Variants in PDK1 observed in about 807,000 individuals in gnomAD.
PDK1 encodes the protein pyruvate dehydrogenase kinase 1.
PDK1 carries 39 observed loss-of-function variants against 54.2 expected under a neutral mutation model. The observed-to-expected ratio is 0.72, with a 90% confidence interval of 0.56 to 0.94. PDK1 has a LOEUF of 0.94. Ranked by LOEUF, PDK1 falls within the 40% of genes least tolerant of loss-of-function variation. The probability of loss-of-function intolerance (pLI) is 0.00; values close to 1 mark genes in which losing one functional copy is unlikely to be tolerated. For synonymous variants in PDK1, 221 were observed against 207.1 expected (o/e 1.07, Z -0.58); for missense variants, 552 against 566.0 (o/e 0.98, Z 0.25).
At chr2:172,655,817 C>G in the PDK1 span, among the ~76,000 whole-genome samples, 1 of 152,204 alleles carries the variant, frequency 6.6e-6, no homozygotes, top group Non-Finnish European at 1.5e-5. Context: ...TCTGTAAGGG[C>G]AGAGTGCCAG....
chr2:172,566,293 G>A (rs1478385006), intron 5 of PDK1, among the ~76,000 whole-genome samples: 3 of 152,120 alleles, frequency 2.0e-5, no homozygotes, highest in African/African-American at 7.2e-5. Context: ...AGTGGCTCAT[G>A]CCTATAATCC....
At chr2:172,723,254 T>G in the PDK1 span, 2 of 152,202 alleles carry the variant, frequency 1.3e-5, no homozygotes. Flanking sequence ...TTAAGCTACA[T>G]GTTCTTAGTT....
chr2:172,571,823 C>CGTTTTG (rs765005051), intron 8 of PDK1, among the ~76,000 whole-genome samples: 1 of 99,784 alleles, frequency 1.0e-5, no homozygotes, highest in African/African-American at 3.9e-5. Flanking sequence ...TCTTTCTTTA[C>CGTTTTG]TTTTTTTTTT....
the PDK1 span, among the ~76,000 whole-genome samples, chr2:172,659,649 T>C: frequency 2.0e-5 from 3 of 152,182 alleles, no homozygotes; most frequent in Non-Finnish European, 2.9e-5. Flanking sequence ...ACTCATAATT[T>C]TGAATCAATC....
the PDK1 span, among the ~76,000 whole-genome samples, chr2:172,680,908 GCTTTGACACTTCT>G: frequency 6.6e-6 from 1 of 152,226 alleles, no homozygotes; most frequent in African/African-American, 2.4e-5. Context: ...TTGCCATCAG[GCTTTGACACTTCT>G]CTTTCTTTTT....
In PDK1 at chr2:172,558,733, C is replaced by G. The variant is rs747987911; in HGVS notation, c.222C>G (p.Thr74=). ...DFGSVNACEK[T]SFMFLRQELP... is the part of the protein sequence containing the mutation. ...GATCAGTGAATGCTTGTGAAAAGAC[C>G]TCATTTATGTTTCTGCGGCAAGAGT... The change falls in exon 2 of 11, where the codon ACC becomes ACG. Residue 74 remains threonine, a synonymous_variant. Coordinates refer to ENST00000282077, the MANE Select transcript of PDK1 (RefSeq NM_002610.5). 4.4e-6 allele frequency: 7 copies of G among 1,608,786 alleles called. No homozygotes were observed. The South Asian group carries it at 7.8e-5, about 18-fold the overall frequency.
At chr2:172,577,268 CTTT>C (rs1278425960) in intron 8 of PDK1, among the ~76,000 whole-genome samples, 1 of 152,016 alleles carries the variant, frequency 6.6e-6, no homozygotes, top group Non-Finnish European at 1.5e-5. Flanking sequence ...CATCCCAACT[CTTT>C]TTGTTTCTGT....
At chr2:172,556,373 T>A in intron 1 of PDK1, 27 bp downstream of exon 1, 3 of 1,385,400 alleles carry the variant, frequency 2.2e-6, no homozygotes, top group Non-Finnish European at 2.8e-6. Context: ...ACCTTGGGCC[T>A]TTTTGCGCGG....
At chr2:172,589,122 A>T (rs567987123) in intron 9 of PDK1, among the ~76,000 whole-genome samples, 1 of 152,192 alleles carries the variant, frequency 6.6e-6, no homozygotes, top group East Asian at 1.9e-4. Flanking sequence ...GAGTCAGCCC[A>T]TAAGTATGGT....
upstream of PDK1, chr2:172,555,911 G>A (rs561896181): frequency 3.7e-4 from 136 of 362,952 alleles, no homozygotes; most frequent in African/African-American, 2.8e-3. Flanking sequence ...CGGGAGGCTG[G>A]GCGGGACTCC....
chr2:172,676,885 G>C, the PDK1 span, among the ~76,000 whole-genome samples: 1 of 152,068 alleles, frequency 6.6e-6, no homozygotes, highest in Non-Finnish European at 1.5e-5. Flanking sequence ...ATTTGCCATA[G>C]CCACCCCATC....
chr2:172,625,409 C>A, the PDK1 span, among the ~76,000 whole-genome samples: 1 of 152,154 alleles, frequency 6.6e-6, no homozygotes, highest in Non-Finnish European at 1.5e-5. Flanking sequence ...CCTGTGTGTC[C>A]TTTCTCCAGG....
At chr2:172,587,509 C>T (rs1690310024) in intron 9 of PDK1, among the ~76,000 whole-genome samples, 1 of 151,998 alleles carries the variant, frequency 6.6e-6, no homozygotes, top group Admixed American at 6.6e-5. Flanking sequence ...TCGGTGGCTT[C>T]AGGAGTGAAG....
chr2:172,664,138 C>G, the PDK1 span, among the ~76,000 whole-genome samples: 16 of 150,998 alleles, frequency 1.1e-4, no homozygotes, highest in Non-Finnish European at 1.6e-4. Flanking sequence ...ATGGAGAAAC[C>G]CTGTCTCTGC....
At position 172,600,627 on chromosome 2, in the gene PDK1, G is replaced by A. The variant is rs1207901181; in HGVS notation, c.*4658G>A. The A allele has an allele frequency of 6.6e-6, 1 of 152,264 alleles. No homozygotes were observed. Among genetic ancestry groups the A allele is most frequent in the East Asian group, 1.9e-4 (1 of 5,178 alleles). The allele number at this position is 152,264 out of a possible 1,614,324, so 9.4% of individuals were successfully genotyped here. A position where few individuals can be genotyped will look rare whatever the true frequency, so the allele number is the denominator to read the frequency against. ...AAGGAAACAGCTCTGTTACAGAGAGGGGTTCCGAGCAGGTTGCCAAGTTGT... is the reference window on the plus strand; with the variant it reads ...AAGGAAACAGCTCTGTTACAGAGAGAGGTTCCGAGCAGGTTGCCAAGTTGT... On this transcript the variant is annotated 3_prime_UTR_variant, in exon 11 of 11. Coordinates refer to ENST00000282077, the MANE Select transcript of PDK1 (RefSeq NM_002610.5).
At chr2:172,673,957 C>T in the PDK1 span, among the ~76,000 whole-genome samples, 1 of 152,200 alleles carries the variant, frequency 6.6e-6, no homozygotes, top group Non-Finnish European at 1.5e-5. Flanking sequence ...CAAAGTTTGC[C>T]ACAAGCCTGC....
chr2:172,583,281 G>GTTTTTTTTTTTTTTTTTTTTTTTTTTTTT (rs1175087926), intron 8 of PDK1, among the ~76,000 whole-genome samples: 2 of 77,076 alleles, frequency 2.6e-5, no homozygotes, highest in African/African-American at 1.1e-4. Flanking sequence ...AAGTTTTCTG[G>GTTTTTTTTTTTTTTTTTTTTTTTTTTTTT]TTTTTTTTTT....
chr2:172,648,554 A>G, the PDK1 span, among the ~76,000 whole-genome samples: 4 of 152,214 alleles, frequency 2.6e-5, no homozygotes, highest in Non-Finnish European at 4.4e-5. Context: ...CCTGGGAAGC[A>G]CAAGGGGTCA....
the PDK1 span, among the ~76,000 whole-genome samples, chr2:172,711,002 A>G: frequency 5.9e-5 from 9 of 152,222 alleles, no homozygotes; most frequent in Admixed American, 5.2e-4. Context: ...ATTTAGTCCA[A>G]CTGGTGGCTA....
Sources: allele counts gnomAD v4.1 joint callset (sites outside exome capture counted in the v4.1 genomes callset), GRCh38; gene constraint gnomAD v4.1.1; transcripts MANE v1.5; gene names NCBI Gene and HGNC (gene_info 2026-07-23, HGNC 2026-07-21).